Variants in LGSN observed in about 807,000 individuals in gnomAD.
LGSN encodes lengsin.
Under a neutral mutation model 19.5 loss-of-function variants are expected in LGSN, and 21 were observed. The ratio of observed to expected loss-of-function variants is 1.07; its 90% CI spans 0.76 to 1.55. The LOEUF (loss-of-function observed/expected upper bound fraction) is 1.55, where lower values mean the gene tolerates loss of function less well. Ranked by LOEUF, LGSN falls within the 40% of genes most tolerant of loss-of-function variation. LGSN has a pLI of 0.00. For synonymous variants in LGSN, 257 were observed against 215.6 expected (o/e 1.19, Z -1.68); for missense variants, 673 against 608.5 (o/e 1.11, Z -1.12).
At position 63,279,909 on chromosome 6, in the gene LGSN, C is replaced by A. The variant is rs527322894; in HGVS notation, c.*112G>T. The A allele has an allele frequency of 2.9e-6, 3 of 1,036,366 alleles. No homozygotes were observed. The highest frequency in any genetic ancestry group is 2.8e-6 in the Non-Finnish European group (2 of 708,214). 64.2% of individuals were successfully genotyped at this position (1,036,366 alleles called of 1,614,324 possible). On this transcript the variant is annotated 3_prime_UTR_variant, in exon 4 of 4. Transcript: ENST00000370657. ...GACAAAAAAAAAAGTCAAAAGCATTCGTAATCTTGTTATTGTTGCTGTTGT... is the reference window on the plus strand; with the variant it reads ...GACAAAAAAAAAAGTCAAAAGCATTAGTAATCTTGTTATTGTTGCTGTTGT...
At chr6:63,490,122 A>C in the LGSN span, among the ~76,000 whole-genome samples, 2 of 152,240 alleles carry the variant, frequency 1.3e-5, no homozygotes, top group African/African-American at 2.4e-5. Context: ...ACTCAAACAC[A>C]TGTGCAAAAG....
chr6:63,281,493 T>C (rs1767322361), intron 3 of LGSN, among the ~76,000 whole-genome samples: 1 of 151,632 alleles, frequency 6.6e-6, no homozygotes, highest in African/African-American at 2.4e-5. Flanking sequence ...AAAATAGCAG[T>C]TATAAATGAA....
chr6:63,501,024 T>C, the LGSN span, among the ~76,000 whole-genome samples: 1 of 151,992 alleles, frequency 6.6e-6, no homozygotes, highest in Non-Finnish European at 1.5e-5. Context: ...CCACTGTGCC[T>C]GACTGACAGG....
At chr6:63,333,623 GC>G in the LGSN span, among the ~76,000 whole-genome samples, 1 of 127,260 alleles carries the variant, frequency 7.9e-6, no homozygotes, top group Non-Finnish European at 1.6e-5. Context: ...AGGGAGGGAG[GC>G]AAAAAAAAGA....
chr6:63,508,703 G>A, the LGSN span, among the ~76,000 whole-genome samples: 1 of 152,018 alleles, frequency 6.6e-6, no homozygotes, highest in African/African-American at 2.4e-5. Flanking sequence ...GATCATGTGA[G>A]GTCAGGAGTT....
the LGSN span, among the ~76,000 whole-genome samples, chr6:63,526,803 GTATATATATATATA>G: frequency 1.3e-4 from 13 of 101,448 alleles, no homozygotes; most frequent in South Asian, 7.0e-4. Flanking sequence ...TCTCAAAAAT[GTATATATATATATA>G]TATATATATA....
At chr6:63,505,123 C>T in the LGSN span, among the ~76,000 whole-genome samples, 2 of 151,272 alleles carry the variant, frequency 1.3e-5, no homozygotes. Context: ...CCACCTCATC[C>T]TACATTTTGA....
At chr6:63,315,430 G>A (rs1454252162) in intron 1 of LGSN, among the ~76,000 whole-genome samples, 1 of 152,062 alleles carries the variant, frequency 6.6e-6, no homozygotes, top group East Asian at 1.9e-4. Context: ...GCTAGTGAAA[G>A]CCTGCTCTAC....
the LGSN span, among the ~76,000 whole-genome samples, chr6:63,412,529 G>GGAAAGAAAGAAA: frequency 0.048 from 1,556 of 32,264 alleles, 87 homozygotes; most frequent in East Asian, 0.081. Context: ...AAAGAAAGAA[G>GGAAAGAAAGAAA]GAAAGAAAGA....
At chr6:63,443,805 C>T in the LGSN span, among the ~76,000 whole-genome samples, 1 of 151,696 alleles carries the variant, frequency 6.6e-6, no homozygotes, top group Non-Finnish European at 1.5e-5. Flanking sequence ...CAGTTACCTG[C>T]ATGCCTAAAG....
the LGSN span, chr6:63,527,782 T>C: frequency 6.6e-6 from 1 of 152,216 alleles, no homozygotes; most frequent in Non-Finnish European, 1.5e-5. Context: ...ATAACAGTGA[T>C]GAGCTCACCT....
chr6:63,351,132 A>T, the LGSN span, among the ~76,000 whole-genome samples: 1 of 152,050 alleles, frequency 6.6e-6, no homozygotes. Flanking sequence ...CCCCAGAAAG[A>T]TCCCTTCCCA....
In LGSN at chr6:63,294,927, A is replaced by G; in HGVS notation, c.149T>C (p.Met50Thr). 6.2e-7 allele frequency: 1 copy of G among 1,613,920 alleles called. No homozygotes were observed. The highest frequency in any genetic ancestry group is 8.5e-7 in the Non-Finnish European group (1 of 1,179,888). The part of the protein sequence containing the change: ...VCSTEVGETD[M>T]SNSNDCMRDS... ...TAGTTAGATACCATTTGAATTGGAC[A>G]TATCCGTTTCTCCCACTTCAGTTGA... Residue 50 changes from methionine (M) to threonine (T), a missense_variant, in exon 2 of 4, where the codon ATG becomes ACG. Physicochemically the swap from Met to Thr is moderately conservative, Grantham distance 81. Coordinates refer to ENST00000370657, the MANE Select transcript of LGSN (RefSeq NM_016571.3).
At chr6:63,350,885 C>A in the LGSN span, among the ~76,000 whole-genome samples, 1 of 151,624 alleles carries the variant, frequency 6.6e-6, no homozygotes, top group African/African-American at 2.4e-5. Flanking sequence ...TTCAGACGAC[C>A]AATTGGTAAG....
chr6:63,290,429 G>T (rs900901264), intron 2 of LGSN, among the ~76,000 whole-genome samples: 4 of 152,204 alleles, frequency 2.6e-5, no homozygotes, highest in African/African-American at 4.8e-5. Flanking sequence ...CACAAACTGT[G>T]GAGGAGTCAA....
the LGSN span, among the ~76,000 whole-genome samples, chr6:63,528,309 G>A: frequency 6.6e-6 from 1 of 152,308 alleles, no homozygotes; most frequent in African/African-American, 2.4e-5. Flanking sequence ...TTGAAGAATA[G>A]CATTGGCTGG....
chr6:63,353,417 G>A, the LGSN span, among the ~76,000 whole-genome samples: 2 of 152,006 alleles, frequency 1.3e-5, no homozygotes, highest in African/African-American at 2.4e-5. Flanking sequence ...GCTCACAGAT[G>A]TTTAAGACTC....
chr6:63,531,525 T>G, the LGSN span, among the ~76,000 whole-genome samples: 3 of 150,090 alleles, frequency 2.0e-5, no homozygotes, highest in Non-Finnish European at 3.0e-5. Context: ...TTTTTTTTTT[T>G]TTTTTTTGTA....
the LGSN span, among the ~76,000 whole-genome samples, chr6:63,477,972 A>T: frequency 2.2e-4 from 33 of 151,120 alleles, no homozygotes; most frequent in Non-Finnish European, 3.0e-5. Context: ...CCCCCTACTC[A>T]TCTTCTTCTT....
Sources: allele counts gnomAD v4.1 joint callset (sites outside exome capture counted in the v4.1 genomes callset), GRCh38; gene constraint gnomAD v4.1.1; transcripts MANE v1.5; gene names NCBI Gene and HGNC (gene_info 2026-07-23, HGNC 2026-07-21).